Variants in STRN3 observed in about 807,000 individuals in gnomAD.
STRN3 encodes the protein striatin-3.
In STRN3, 29 loss-of-function variants were observed where a neutral mutation model predicts 95.6. That is an observed-to-expected ratio of 0.30 (90% confidence interval 0.23 to 0.41). STRN3 has a LOEUF of 0.41. Among genes scored for constraint, STRN3 ranks in the 10% least tolerant of loss-of-function variants. STRN3 has a pLI of 1.00. For synonymous variants in STRN3, 331 were observed against 357.6 expected, an observed-to-expected ratio of 0.93 and a Z score of 0.84; for missense variants, 890 against 972.1, an observed-to-expected ratio of 0.92 and a Z score of 1.12.
At chr14:30,949,684 C>CA (rs71112358) in intron 4 of STRN3, among the ~76,000 whole-genome samples, 93,958 of 147,662 alleles carry the variant, frequency 0.64, 30,457 homozygotes, top group Non-Finnish European at 0.72. Context: ...ACTCCGTTTC[C>CA]AAAAAAAAAA....
chr14:30,941,339 T>A (rs1261344716), intron 5 of STRN3, among the ~76,000 whole-genome samples: 4 of 152,218 alleles, frequency 2.6e-5, no homozygotes, highest in Non-Finnish European at 5.9e-5. Flanking sequence ...AGGCCTTTCC[T>A]ATTAATGTGA....
intron 13 of STRN3, among the ~76,000 whole-genome samples, chr14:30,909,109 CT>C (rs1896543338): frequency 6.6e-6 from 1 of 152,206 alleles, no homozygotes. Context: ...GTGATGATGG[CT>C]GTAAAACTTT....
At chr14:30,963,843 G>T (rs1880334472) in intron 1 of STRN3, among the ~76,000 whole-genome samples, 1 of 152,076 alleles carries the variant, frequency 6.6e-6, no homozygotes, top group Non-Finnish European at 1.5e-5. Flanking sequence ...ACTCAAAGAA[G>T]AAAAATTAGG....
chr14:30,898,060 T>C (rs1263086271), intron 16 of STRN3, among the ~76,000 whole-genome samples: 1 of 152,178 alleles, frequency 6.6e-6, no homozygotes, highest in Non-Finnish European at 1.5e-5. Context: ...GGCACCATCA[T>C]GGCTCACTGC....
At chr14:30,982,291 A>C (rs1234203634) in intron 1 of STRN3, among the ~76,000 whole-genome samples, 1 of 152,092 alleles carries the variant, frequency 6.6e-6, no homozygotes, top group Non-Finnish European at 1.5e-5. Context: ...AGGTGGTTTA[A>C]AGCATAATAG....
chr14:30,943,478 T>C (rs938220591), intron 5 of STRN3, among the ~76,000 whole-genome samples: 1 of 152,106 alleles, frequency 6.6e-6, no homozygotes, highest in Non-Finnish European at 1.5e-5. Flanking sequence ...CATGTGGCTG[T>C]AGTCCCAGCT....
chr14:31,020,883 G>T (rs1008527068), intron 1 of STRN3, among the ~76,000 whole-genome samples: 4 of 152,010 alleles, frequency 2.6e-5, no homozygotes, highest in Non-Finnish European at 5.9e-5. Flanking sequence ...TCCAGCCTCG[G>T]CAACAGAGTA....
chr14:30,961,010 A>C (rs1880177459), intron 1 of STRN3, among the ~76,000 whole-genome samples: 1 of 152,114 alleles, frequency 6.6e-6, no homozygotes, highest in Non-Finnish European at 1.5e-5. Flanking sequence ...GGATATAACA[A>C]GTATCATCAC....
intron 7 of STRN3, 131 bp from the exon 8 acceptor site, chr14:30,929,442 G>T: frequency 1.5e-6 from 1 of 682,426 alleles, no homozygotes; most frequent in Admixed American, 3.3e-5. Flanking sequence ...TACTTTAAAG[G>T]TGCAGTCTCA....
In STRN3 at chr14:30,906,988, C is replaced by T; in HGVS notation, c.1777G>A (p.Ala593Thr). 1 of 1,613,894 alleles carries T rather than the reference C, an allele frequency of 6.2e-7. No homozygotes were observed. Among genetic ancestry groups the T allele is most frequent in the Non-Finnish European group, 8.5e-7 (1 of 1,179,910 alleles). The change falls in exon 14 of 18, where the codon GCT becomes ACT. Residue 593 changes from alanine to threonine, a missense_variant. By Grantham distance (58) the Ala-to-Thr change is moderately conservative (BLOSUM62 0). This residue lies in a region of STRN3 where 357 missense variants were observed against 422.8 expected (regional missense o/e 0.84). Transcript: ENST00000357479. ...AATTGATTTTTTATGCCACTATAAG[C>T]AAGACCCCAAACTGCATCTGTATGA... The part of the protein sequence containing the change: ...VGHTDAVWGL[A>T]YSGIKNQLLS...
Position 30,902,618 on chromosome 14 carries a change from G to A in STRN3, c.2055C>T (p.Asn685=). ...DSGLQSNNHI[N]RVVSHPTLPV... is the part of the protein sequence containing the mutation. ...GAAGTGTGGGATGACTTACTACTCT[G>A]TTGATATGATTATTAGATTGTAAAC... The change falls in exon 16 of 18, where the codon AAC becomes AAT. Residue 685 remains asparagine (N), a synonymous_variant. Transcript: ENST00000357479. 6.2e-7 allele frequency: 1 copy of A among 1,601,316 alleles called. No individual in the cohort carries two copies. Among genetic ancestry groups the A allele is most frequent in the Non-Finnish European group, 8.5e-7 (1 of 1,174,260 alleles).
intron 1 of STRN3, 43 bp from the exon 2 acceptor site, chr14:30,956,285 C>T (rs775332403): frequency 6.4e-7 from 1 of 1,561,074 alleles, no homozygotes; most frequent in African/African-American, 1.4e-5. Flanking sequence ...TTCCCTTAAC[C>T]ATACATAGGA....
At chr14:30,992,390 G>C (rs1323664585) in intron 1 of STRN3, among the ~76,000 whole-genome samples, 1 of 150,722 alleles carries the variant, frequency 6.6e-6, no homozygotes, top group Non-Finnish European at 1.5e-5. Flanking sequence ...TGGAGACAGA[G>C]CAAGACTCTG....
rs541869448 is a variant in STRN3 at position 30,945,114 on chromosome 14, T to C, written c.716+1976A>G. 9.2e-5 allele frequency among the ~76,000 whole-genome samples: 14 copies of C among 152,290 alleles called. No homozygotes were observed. The South Asian group carries it at 2.7e-3, about 29-fold the overall frequency. On this transcript the variant is annotated intron_variant, in intron 5 of 17. Coordinates refer to ENST00000357479, the MANE Select transcript of STRN3 (RefSeq NM_001083893.2). ...CTCATGGTAAAAATGCTTAACTCCT[T>C]GTATTTATCAATTCCGTATTCATCA...
In STRN3 at chr14:30,936,492, T is replaced by C; in HGVS notation, c.846+3A>G. ...TAATAAGAATATAAAATGTAATTCCTACTTTATGTTTATTCATCCGATGTT... is the reference window on the plus strand; with the variant it reads ...TAATAAGAATATAAAATGTAATTCCCACTTTATGTTTATTCATCCGATGTT... On this transcript the variant is annotated splice_donor_region_variant and intron_variant, in intron 6 of 17. Coordinates refer to ENST00000357479, the MANE Select transcript of STRN3 (RefSeq NM_001083893.2). The C allele has an allele frequency of 1.2e-6, 2 of 1,608,754 alleles. No homozygotes were observed. Among genetic ancestry groups the C allele is most frequent in the Non-Finnish European group, 1.7e-6 (2 of 1,178,568 alleles).
intron 8 of STRN3, among the ~76,000 whole-genome samples, chr14:30,925,810 T>C (rs1897013448): frequency 6.6e-6 from 1 of 152,166 alleles, no homozygotes; most frequent in Admixed American, 6.5e-5. Context: ...ATGTGTCATT[T>C]ATAAGCAAAA....
chr14:30,939,139 G>A (rs752360205), intron 5 of STRN3, among the ~76,000 whole-genome samples: 12 of 152,104 alleles, frequency 7.9e-5, no homozygotes, highest in Non-Finnish European at 1.2e-4. Context: ...GAATTATAGC[G>A]GAGGAACTCT....
chr14:30,971,667 G>A (rs1370453347), intron 1 of STRN3, among the ~76,000 whole-genome samples: 21 of 152,018 alleles, frequency 1.4e-4, no homozygotes, highest in African/African-American at 4.3e-4. Context: ...AAACAGCACC[G>A]CCCCTAATAA....
At chr14:30,929,977 A>AAAAAAAAAAAC (rs1878445572) in intron 7 of STRN3, among the ~76,000 whole-genome samples, 2 of 150,078 alleles carry the variant, frequency 1.3e-5, no homozygotes, top group Non-Finnish European at 3.0e-5. Context: ...AAAAAAAAAA[A>AAAAAAAAAAAC]AACTCAAATT....
Sources: gnomAD v4.1 joint callset for allele counts (sites outside exome capture counted in the v4.1 genomes callset) on GRCh38, gnomAD v4.1.1 for gene constraint, gnomAD v4.1.1 regional missense constraint, MANE v1.5 for transcripts, NCBI Gene and HGNC (gene_info 2026-07-23, HGNC 2026-07-21) for gene names.